The following LRRK2 variants were observed in gnomAD, a reference collection of about 807,000 sequenced individuals.
The protein encoded by LRRK2 is leucine rich repeat kinase 2.
In LRRK2, 203 loss-of-function variants were observed where a neutral mutation model predicts 302.6. The observed-to-expected ratio is 0.67, with a 90% confidence interval of 0.60 to 0.75. The LOEUF (loss-of-function observed/expected upper bound fraction) is 0.75, where lower values mean the gene tolerates loss of function less well. Among genes scored for constraint, LRRK2 ranks in the 30% least tolerant of loss-of-function variants. The pLI is 0.00. For synonymous variants in LRRK2, 1,066 were observed against 1,031.9 expected (o/e 1.03, Z -0.63); for missense variants, 2,830 against 2,951.0 (o/e 0.96, Z 0.95).
chr12:40,251,492 C>T lies in LRRK2; in HGVS notation c.1129C>T (p.Leu377Phe). 6.2e-7 allele frequency: 1 copy of T among 1,612,332 alleles called. No homozygotes were observed. Among genetic ancestry groups the T allele is most frequent in the Non-Finnish European group, 8.5e-7 (1 of 1,179,040 alleles). Residue 377 changes from leucine to phenylalanine, a missense_variant, in exon 10 of 51, where the codon CTC becomes TTC. By Grantham distance (22) the Leu-to-Phe change is conservative. Coordinates refer to ENST00000298910, the MANE Select transcript of LRRK2 (RefSeq NM_198578.4). Reference protein sequence around the residue: ...QEAACWALNNLLMYQNSLHEK... With the variant: ...QEAACWALNNFLMYQNSLHEK... The stretch of plus-strand genomic sequence containing the variant: ...GGCCGCATGCTGGGCACTAAATAAT[C>T]TCCTTATGTACCAAAACAGTTTACA...
Position 40,367,848 on chromosome 12 carries a change from GGGTA to G in LRRK2, c.*84_*87del. 1.4e-6 allele frequency: 2 copies of G among 1,401,928 alleles called. No individual in the cohort carries two copies. Among genetic ancestry groups the G allele is most frequent in the South Asian group, 2.7e-5 (2 of 73,190 alleles). The allele number at this position is 1,401,928 out of a possible 1,614,324, so 86.8% of individuals were successfully genotyped here. A position where few individuals can be genotyped will look rare whatever the true frequency, so the allele number is the denominator to read the frequency against. The stretch of plus-strand genomic sequence containing the variant: ...TATTTTAAAAATGTTCACATGGAAA[GGGTA>G]CTCACATTTTTTGAAATAGCTCGTG... On this transcript the variant is annotated 3_prime_UTR_variant, in exon 51 of 51. Transcript: ENST00000298910.
chr12:40,239,227 T>G (rs565812322), intron 5 of LRRK2, among the ~76,000 whole-genome samples: 35 of 152,182 alleles, frequency 2.3e-4, no homozygotes, highest in Non-Finnish European at 3.7e-4. Context: ...CGAGAGTGAC[T>G]CTGTCAAAAG....
At chr12:40,320,619 G>T (rs1945374163) in intron 34 of LRRK2, among the ~76,000 whole-genome samples, 1 of 151,958 alleles carries the variant, frequency 6.6e-6, no homozygotes, top group Non-Finnish European at 1.5e-5. Flanking sequence ...TTTTCCTACT[G>T]CTCTAAGCAA....
chr12:40,240,586 G>T lies in LRRK2; in HGVS notation c.675G>T (p.Val225=), dbSNP rs779323649. Residue 225 remains valine, a synonymous_variant, in exon 6 of 51, where the codon GTG becomes GTT. Coordinates refer to ENST00000298910, the MANE Select transcript of LRRK2 (RefSeq NM_198578.4). The part of the protein sequence containing the change: ...FKDEEEIVLH[V]LHCLHSLAIP... ...ATGAAGAGGAAATTGTGCTTCATGTGCTGCATTGTTTACATTCCCTAGCGA... is the reference window on the plus strand; with the variant it reads ...ATGAAGAGGAAATTGTGCTTCATGTTCTGCATTGTTTACATTCCCTAGCGA... 1.2e-6 allele frequency: 2 copies of T among 1,613,284 alleles called. No homozygotes were observed. Among genetic ancestry groups the T allele is most frequent in the Non-Finnish European group, 1.7e-6 (2 of 1,179,558 alleles).
At chr12:40,319,261 A>G (rs942280482) in intron 33 of LRRK2, among the ~76,000 whole-genome samples, 3 of 151,856 alleles carry the variant, frequency 2.0e-5, no homozygotes, top group Admixed American at 2.0e-4. Flanking sequence ...TTATTATCTC[A>G]TTTTATAGAG....
intron 2 of LRRK2, among the ~76,000 whole-genome samples, chr12:40,230,157 C>G (rs1276745575): frequency 6.6e-6 from 1 of 151,944 alleles, no homozygotes; most frequent in Non-Finnish European, 1.5e-5. Context: ...AAATAGCTAT[C>G]AGAAATTGCC....
intron 38 of LRRK2, 139 bp from the exon 39 acceptor site, chr12:40,328,221 A>G (rs1592294724): frequency 2.9e-6 from 2 of 682,772 alleles, no homozygotes; most frequent in East Asian, 2.8e-5. Context: ...GAAATGTTAA[A>G]GGAGATTTGA....
At chr12:40,281,814 C>A (rs2136645274) in intron 18 of LRRK2, among the ~76,000 whole-genome samples, 1 of 152,270 alleles carries the variant, frequency 6.6e-6, no homozygotes, top group East Asian at 1.9e-4. Context: ...GCACACAGTG[C>A]TAGATAATTA....
chr12:40,232,659 A>C lies in LRRK2; in HGVS notation c.347+276A>C, dbSNP rs150765367. On this transcript the variant is annotated intron_variant, in intron 3 of 50. Coordinates refer to ENST00000298910, the MANE Select transcript of LRRK2 (RefSeq NM_198578.4). ...AAACTGGTTAAGTTGTAGATTTTTG[A>C]TGAGTACTTTTGAATTCAAACCATG... 233 of 254,452 alleles carry C rather than the reference A, an allele frequency of 9.2e-4. 2 individuals carry two copies. The highest frequency in any genetic ancestry group is 4.3e-3 in the African/African-American group (192 of 44,684). The allele number at this position is 254,452 out of a possible 1,614,324, so 15.8% of individuals were successfully genotyped here.
chr12:40,234,182 T>A (rs139355012), intron 3 of LRRK2, among the ~76,000 whole-genome samples: 1 of 152,214 alleles, frequency 6.6e-6, no homozygotes, highest in Non-Finnish European at 1.5e-5. Context: ...AATTGCCAAA[T>A]GGAGATTATG....
At chr12:40,262,444 A>G (rs923413099) in intron 13 of LRRK2, among the ~76,000 whole-genome samples, 1 of 151,918 alleles carries the variant, frequency 6.6e-6, no homozygotes, top group African/African-American at 2.4e-5. Context: ...ATGCAGGCTG[A>G]CTCCAGAGTA....
intron 2 of LRRK2, among the ~76,000 whole-genome samples, chr12:40,229,292 T>A (rs1941057235): frequency 6.6e-6 from 1 of 152,132 alleles, no homozygotes; most frequent in African/African-American, 2.4e-5. Context: ...TTAAGGTAAA[T>A]TTCTCCTTCA....
intron 13 of LRRK2, 41 bp from the exon 14 acceptor site, chr12:40,263,748 A>G: frequency 7.1e-7 from 1 of 1,403,524 alleles, no homozygotes; most frequent in Non-Finnish European, 1.0e-6. Flanking sequence ...TCAAATGTTT[A>G]TAAGAAAATT....
intron 28 of LRRK2, among the ~76,000 whole-genome samples, chr12:40,307,785 T>TTC (rs1565736509): frequency 1.4e-5 from 2 of 145,282 alleles, no homozygotes; most frequent in Non-Finnish European, 3.0e-5. Flanking sequence ...TCTTTTCTTT[T>TTC]TTTTTTTTTT....
chr12:40,233,924 G>A (rs1024428364), intron 3 of LRRK2, among the ~76,000 whole-genome samples: 4 of 152,330 alleles, frequency 2.6e-5, no homozygotes. Flanking sequence ...CCATGCAGTT[G>A]TGAAGAAGAT....
chr12:40,229,953 G>A (rs11175656), intron 2 of LRRK2, among the ~76,000 whole-genome samples: 50,630 of 120,940 alleles, frequency 0.42, 10,695 homozygotes, highest in South Asian at 0.49. Flanking sequence ...CATCCTATGT[G>A]ACTTTTTTTT....
intron 2 of LRRK2, chr12:40,227,880 AC>A (rs1276306492): frequency 6.6e-6 from 1 of 151,176 alleles, no homozygotes. Flanking sequence ...TTCTTTTTTT[AC>A]TTTTTGTAGA....
chr12:40,293,171 C>T (rs1029825358), intron 20 of LRRK2, among the ~76,000 whole-genome samples: 2 of 152,024 alleles, frequency 1.3e-5, no homozygotes, highest in African/African-American at 4.8e-5. Flanking sequence ...AAACTTTCTG[C>T]ACACACATAT....
chr12:40,295,397 T>G (rs1443809177), intron 22 of LRRK2, 30 bp from the exon 23 acceptor site: 8 of 1,589,008 alleles, frequency 5.0e-6, no homozygotes, highest in Non-Finnish European at 6.9e-6. Context: ...TTTGCTTATA[T>G]TTCCATTGTT....
Sources: gnomAD v4.1 joint callset for allele counts (sites outside exome capture counted in the v4.1 genomes callset) on GRCh38, gnomAD v4.1.1 for gene constraint, MANE v1.5 for transcripts, NCBI Gene and HGNC (gene_info 2026-07-23, HGNC 2026-07-21) for gene names.